The following CCSER1 variants were observed in gnomAD, a reference collection of about 807,000 sequenced individuals.
CCSER1 encodes the protein serine-rich coiled-coil domain-containing protein 1.
CCSER1 carries 41 observed loss-of-function variants against 82.0 expected under a neutral mutation model. The observed-to-expected ratio is 0.50, with a 90% CI of 0.39 to 0.65. The LOEUF (loss-of-function observed/expected upper bound fraction) is 0.65, where lower values mean the gene tolerates loss of function less well. Ranked by LOEUF, CCSER1 falls within the 30% of genes least tolerant of loss-of-function variation. CCSER1 has a pLI of 0.00. For synonymous variants in CCSER1, 414 were observed against 383.9 expected, an observed-to-expected ratio of 1.08 and a Z score of -0.92; for missense variants, 1,119 against 1,064.2, an observed-to-expected ratio of 1.05 and a Z score of -0.72.
At chr4:90,649,497 C>A (rs1728321982) in intron 6 of CCSER1, 1 of 152,018 alleles carries the variant, frequency 6.6e-6, no homozygotes, top group African/African-American at 2.4e-5. Flanking sequence ...GAAGAGACAC[C>A]AAAGTTTTCT....
chr4:91,574,733 A>C (rs1408248326), intron 10 of CCSER1, among the ~76,000 whole-genome samples: 1 of 152,066 alleles, frequency 6.6e-6, no homozygotes, highest in African/African-American at 2.4e-5. Context: ...AGGGACTACC[A>C]GGGACATTAG....
intron 10 of CCSER1, among the ~76,000 whole-genome samples, chr4:91,410,547 A>AAAAG (rs1235449254): frequency 6.6e-6 from 1 of 152,204 alleles, no homozygotes; most frequent in African/African-American, 2.4e-5. Context: ...CTATTTTTAC[A>AAAAG]AAAGAATTTT....
At chr4:90,276,251 T>TTTCTTTCTTTCTTTCTTCCTTTCCTTCC (rs1727659770) in intron 1 of CCSER1, among the ~76,000 whole-genome samples, 1 of 76,828 alleles carries the variant, frequency 1.3e-5, no homozygotes, top group African/African-American at 5.1e-5. Context: ...TCTTTCTTTC[T>TTTCTTTCTTTCTTTCTTCCTTTCCTTCC]TTCCTTCCTT....
intron 2 of CCSER1, among the ~76,000 whole-genome samples, chr4:90,311,778 A>C (rs1301541518): frequency 6.6e-6 from 1 of 152,200 alleles, no homozygotes; most frequent in Non-Finnish European, 1.5e-5. Flanking sequence ...TATTGGACTA[A>C]TAGATTCTGG....
intron 9 of CCSER1, among the ~76,000 whole-genome samples, chr4:91,037,396 C>A (rs547561677): frequency 7.9e-4 from 121 of 152,268 alleles, no homozygotes; most frequent in Non-Finnish European, 1.6e-3. Context: ...TCAGCAAAGC[C>A]TTTCCCCTGT....
intron 10 of CCSER1, among the ~76,000 whole-genome samples, chr4:91,545,475 T>A (rs1401007550): frequency 6.6e-6 from 1 of 152,164 alleles, no homozygotes; most frequent in Admixed American, 6.5e-5. Flanking sequence ...TTCACTACAG[T>A]TTTGTTTTCT....
intron 10 of CCSER1, among the ~76,000 whole-genome samples, chr4:91,443,718 G>T (rs1026691224): frequency 6.8e-6 from 1 of 147,158 alleles, no homozygotes; most frequent in Non-Finnish European, 1.5e-5. Flanking sequence ...ATTAAGTATA[G>T]AGAAAACTAT....
chr4:90,536,942 C>G (rs143885823), intron 5 of CCSER1, among the ~76,000 whole-genome samples: 1 of 152,208 alleles, frequency 6.6e-6, no homozygotes, highest in East Asian at 1.9e-4. Context: ...TGAATTTTCT[C>G]GTTTGTTCTC....
At chr4:91,219,817 T>C (rs1419907849) in intron 10 of CCSER1, among the ~76,000 whole-genome samples, 2 of 152,186 alleles carry the variant, frequency 1.3e-5, no homozygotes, top group Non-Finnish European at 2.9e-5. Flanking sequence ...CCTAAATCCA[T>C]TAATTTTAAT....
At chr4:90,970,000 T>A in intron 9 of CCSER1, among the ~76,000 whole-genome samples, 2 of 146,266 alleles carry the variant, frequency 1.4e-5, no homozygotes, top group South Asian at 2.2e-4. Context: ...AAAAAAAAAA[T>A]CATAAAATTA....
intron 1 of CCSER1, among the ~76,000 whole-genome samples, chr4:90,215,904 G>A (rs1160576980): frequency 6.6e-6 from 1 of 152,130 alleles, no homozygotes; most frequent in Non-Finnish European, 1.5e-5. Context: ...CCTGCACAGG[G>A]TCAGGATGTA....
chr4:90,360,066 C>T (rs1453417772), intron 3 of CCSER1, among the ~76,000 whole-genome samples: 1 of 148,764 alleles, frequency 6.7e-6, no homozygotes, highest in Non-Finnish European at 1.5e-5. Flanking sequence ...TACAGGTGCC[C>T]GCCATCACGC....
At chr4:90,130,038 T>A (rs2153310371) in intron 1 of CCSER1, among the ~76,000 whole-genome samples, 1 of 152,358 alleles carries the variant, frequency 6.6e-6, no homozygotes, top group African/African-American at 2.4e-5. Flanking sequence ...ATTTTAAAGA[T>A]ACATTATTTA....
chr4:90,631,226 A>G (rs1204432007), intron 6 of CCSER1, among the ~76,000 whole-genome samples: 1 of 152,038 alleles, frequency 6.6e-6, no homozygotes, highest in African/African-American at 2.4e-5. Context: ...GGCAGGAGGT[A>G]CCTATTTGAT....
At chr4:91,280,150 A>T (rs1742806405) in intron 10 of CCSER1, among the ~76,000 whole-genome samples, 2 of 152,344 alleles carry the variant, frequency 1.3e-5, no homozygotes, top group African/African-American at 2.4e-5. Flanking sequence ...CAGGACAAGC[A>T]TGCCTGTCCT....
At chr4:90,754,144 G>C (rs1749140691) in intron 7 of CCSER1, among the ~76,000 whole-genome samples, 1 of 152,010 alleles carries the variant, frequency 6.6e-6, no homozygotes. Flanking sequence ...ACATTACATT[G>C]TATGCATGTG....
chr4:90,364,177 A>T (rs1240613522), intron 3 of CCSER1, among the ~76,000 whole-genome samples: 1 of 152,040 alleles, frequency 6.6e-6, no homozygotes, highest in African/African-American at 2.4e-5. Context: ...CCTGAAATAG[A>T]CAATAAAATA....
chr4:91,056,169 T>C lies in CCSER1; in HGVS notation c.2173-29781T>C, dbSNP rs1743427332. Among the ~76,000 whole-genome samples, 5 of 152,182 alleles carry C rather than the reference T, an allele frequency of 3.3e-5. No individual in the cohort carries two copies. In the South Asian group the frequency reaches 8.3e-4, roughly 25 times the overall value. ...TTTTAAAGCAGTTTTTTAGTAGCTC[T>C]GTCATCAGCTTCCTCTCAGGGACCA... On this transcript the variant is annotated intron_variant, in intron 9 of 10. Transcript: ENST00000509176.
chr4:90,436,902 G>A (rs1262464353), intron 4 of CCSER1, among the ~76,000 whole-genome samples: 4 of 151,860 alleles, frequency 2.6e-5, no homozygotes, highest in Non-Finnish European at 5.9e-5. Context: ...TTCCTCCCGG[G>A]TTCACGCCAT....
Sources: gnomAD v4.1 joint callset for allele counts (sites outside exome capture counted in the v4.1 genomes callset) on GRCh38, gnomAD v4.1.1 for gene constraint, MANE v1.5 for transcripts, NCBI Gene and HGNC (gene_info 2026-07-23, HGNC 2026-07-21) for gene names.